SLC5A4: variants seen among roughly 807,000 people sequenced by gnomAD.
SLC5A4 encodes probable glucose sensor protein SLC5A4.
In SLC5A4, 55 loss-of-function variants were observed where a neutral mutation model predicts 70.3. That is an observed-to-expected ratio of 0.78 (90% CI 0.63 to 0.98). The LOEUF (loss-of-function observed/expected upper bound fraction) is 0.98, where lower values mean the gene tolerates loss of function less well. Ranked by LOEUF, SLC5A4 falls within the 50% of genes least tolerant of loss-of-function variation. The pLI, the probability that SLC5A4 is intolerant of heterozygous loss-of-function variation, is 0.00. For missense variants in SLC5A4, 735 were observed against 839.2 expected, an observed-to-expected ratio of 0.88 and a Z score of 1.53; for synonymous variants, 268 against 305.7, an observed-to-expected ratio of 0.88 and a Z score of 1.29.
At chr22:32,317,987 T>A in the SLC5A4 span, among the ~76,000 whole-genome samples, 1 of 152,184 alleles carries the variant, frequency 6.6e-6, no homozygotes, top group Non-Finnish European at 1.5e-5. Flanking sequence ...AAGACCTCCA[T>A]GTTAATAAAC....
At chr22:32,246,895 A>G (rs1210506920) in intron 5 of SLC5A4, among the ~76,000 whole-genome samples, 1 of 152,226 alleles carries the variant, frequency 6.6e-6, no homozygotes, top group African/African-American at 2.4e-5. Flanking sequence ...CTTATTTGTG[A>G]CATATGTCTT....
upstream of SLC5A4, among the ~76,000 whole-genome samples, chr22:32,258,189 A>C (rs1341184840): frequency 1.3e-5 from 2 of 152,122 alleles, no homozygotes; most frequent in Admixed American, 1.3e-4. Context: ...GGGTTGTGTC[A>C]TGTTGGCCAG....
At chr22:32,257,761 G>A (rs1689737858), upstream of SLC5A4, among the ~76,000 whole-genome samples, 1 of 151,536 alleles carries the variant, frequency 6.6e-6, no homozygotes, top group African/African-American at 2.4e-5. Context: ...CATTTCCTGG[G>A]TTCAAGCGAT....
chr22:32,338,375 G>A, the SLC5A4 span, among the ~76,000 whole-genome samples: 1 of 150,346 alleles, frequency 6.7e-6, no homozygotes, highest in Non-Finnish European at 1.5e-5. Context: ...CAGGCTGGAC[G>A]CGGTGCCTCA....
chr22:32,348,983 T>C, the SLC5A4 span, among the ~76,000 whole-genome samples: 2 of 152,320 alleles, frequency 1.3e-5, no homozygotes, highest in East Asian at 3.9e-4. Flanking sequence ...TCTTTGTTGT[T>C]GTTGTTTTTT....
At chr22:32,298,924 G>T in the SLC5A4 span, among the ~76,000 whole-genome samples, 1 of 103,926 alleles carries the variant, frequency 9.6e-6, no homozygotes, top group East Asian at 2.8e-4. Flanking sequence ...AGCTTAGTTT[G>T]GCTGGATATG....
At chr22:32,219,983 A>G (rs1375758474) in intron 14 of SLC5A4, among the ~76,000 whole-genome samples, 1 of 152,020 alleles carries the variant, frequency 6.6e-6, no homozygotes, top group Non-Finnish European at 1.5e-5. Context: ...TGGAAACTCT[A>G]AATAGTTCTA....
At chr22:32,335,371 G>A in the SLC5A4 span, among the ~76,000 whole-genome samples, 6 of 152,136 alleles carry the variant, frequency 3.9e-5, no homozygotes, top group South Asian at 2.1e-4. Flanking sequence ...GACAAGCTGT[G>A]AGTAAGCCCT....
At chr22:32,267,906 C>G in the SLC5A4 span, among the ~76,000 whole-genome samples, 2 of 152,132 alleles carry the variant, frequency 1.3e-5, no homozygotes, top group Non-Finnish European at 2.9e-5. Context: ...AGGAGGATCA[C>G]GAGGTCAGGA....
chr22:32,272,478 C>T, the SLC5A4 span: 1 of 744,368 alleles, frequency 1.3e-6, no homozygotes, highest in East Asian at 2.7e-5. Context: ...TGGCAGCCGA[C>T]CTCATGAAGA....
chr22:32,275,161 C>T, the SLC5A4 span, among the ~76,000 whole-genome samples: 1 of 152,136 alleles, frequency 6.6e-6, no homozygotes, highest in Non-Finnish European at 1.5e-5. Context: ...AAAGAAAAAT[C>T]GACTCTTGAT....
chr22:32,308,142 T>A, the SLC5A4 span, among the ~76,000 whole-genome samples: 1 of 151,892 alleles, frequency 6.6e-6, no homozygotes, highest in African/African-American at 2.4e-5. Context: ...CTCAGCTCAC[T>A]GCAAGCTCTG....
chr22:32,268,291 G>A, the SLC5A4 span: 1 of 152,094 alleles, frequency 6.6e-6, no homozygotes, highest in Non-Finnish European at 1.5e-5. Flanking sequence ...TCCATAGAGA[G>A]TGGTCACGGC....
intron 5 of SLC5A4, among the ~76,000 whole-genome samples, chr22:32,244,851 T>A (rs1361328138): frequency 1.3e-5 from 2 of 152,212 alleles, no homozygotes; most frequent in East Asian, 3.8e-4. Flanking sequence ...TTTTCTTTTA[T>A]TGTGATGAAA....
chr22:32,261,012 G>A, the SLC5A4 span, among the ~76,000 whole-genome samples: 1 of 151,942 alleles, frequency 6.6e-6, no homozygotes, highest in Non-Finnish European at 1.5e-5. Flanking sequence ...GGCGAAGTTT[G>A]CAGTGAGCTG....
the SLC5A4 span, among the ~76,000 whole-genome samples, chr22:32,307,892 A>G: frequency 6.6e-6 from 1 of 152,118 alleles, no homozygotes; most frequent in Non-Finnish European, 1.5e-5. Flanking sequence ...CCACCACGTG[A>G]GCAGGATGAT....
the SLC5A4 span, among the ~76,000 whole-genome samples, chr22:32,338,980 C>T: frequency 9.9e-4 from 151 of 152,318 alleles, no homozygotes; most frequent in Non-Finnish European, 1.6e-3. Context: ...AAAAAGATTA[C>T]ATGCAGTATA....
intron 5 of SLC5A4, among the ~76,000 whole-genome samples, chr22:32,241,571 A>G (rs1004652879): frequency 1.3e-5 from 2 of 152,180 alleles, no homozygotes; most frequent in Non-Finnish European, 2.9e-5. Context: ...TCAGCCGGGC[A>G]CAGTGGCTCA....
chr22:32,351,300 C>T, the SLC5A4 span, among the ~76,000 whole-genome samples: 1 of 152,172 alleles, frequency 6.6e-6, no homozygotes, highest in African/African-American at 2.4e-5. Flanking sequence ...CAAATAACTA[C>T]TTACAACGAA....
Sources: allele counts gnomAD v4.1 joint callset (sites outside exome capture counted in the v4.1 genomes callset), GRCh38; gene constraint gnomAD v4.1.1; transcripts MANE v1.5; gene names NCBI Gene and HGNC (gene_info 2026-07-23, HGNC 2026-07-21).